Variants in NTM observed in about 807,000 individuals in gnomAD.
The protein encoded by NTM is IgLON family member 2.
A neutral mutation model predicts 42.1 loss-of-function variants in NTM; 13 were observed. The ratio of observed to expected loss-of-function variants is 0.31; its 90% CI spans 0.20 to 0.49. NTM has a LOEUF of 0.49. Among genes scored for constraint, NTM ranks in the 20% least tolerant of loss-of-function variants. NTM has a pLI of 0.99. For missense variants in NTM, 373 were observed against 452.8 expected (o/e 0.82, Z 1.60); for synonymous variants, 187 against 179.2 (o/e 1.04, Z -0.35).
At chr11:131,898,668 T>G (rs764333203) in intron 1 of NTM, among the ~76,000 whole-genome samples, 28 of 152,228 alleles carry the variant, frequency 1.8e-4, no homozygotes, top group Admixed American at 6.5e-4. Flanking sequence ...GAGAAGGGTG[T>G]TCTCATCCCT....
At chr11:132,040,268 T>A (rs2077017245) in intron 2 of NTM, among the ~76,000 whole-genome samples, 2 of 151,840 alleles carry the variant, frequency 1.3e-5, no homozygotes, top group African/African-American at 4.9e-5. Flanking sequence ...TTATAGTTGC[T>A]TATTATTATT....
At chr11:132,063,182 TTGGGAGCCTC>T (rs556125708) in intron 2 of NTM, among the ~76,000 whole-genome samples, 1 of 152,120 alleles carries the variant, frequency 6.6e-6, no homozygotes, top group Non-Finnish European at 1.5e-5. Flanking sequence ...CCTCTCCCTT[TTGGGAGCCTC>T]TGGGAAGTCT....
chr11:132,147,975 G>C (rs1347201223), intron 3 of NTM, among the ~76,000 whole-genome samples: 1 of 152,176 alleles, frequency 6.6e-6, no homozygotes. Flanking sequence ...GAGCAGGACT[G>C]AGAGGAGGAC....
At chr11:131,375,229 C>T (rs1458309270) in intron 1 of NTM, among the ~76,000 whole-genome samples, 4 of 152,176 alleles carry the variant, frequency 2.6e-5, no homozygotes, top group South Asian at 4.1e-4. Context: ...CGGGGAGCGA[C>T]TCCCCTGGGT....
intron 1 of NTM, among the ~76,000 whole-genome samples, chr11:131,573,753 T>C (rs966877534): frequency 1.3e-5 from 2 of 152,196 alleles, no homozygotes; most frequent in Non-Finnish European, 2.9e-5. Flanking sequence ...TGTCTCTCCA[T>C]GGAAAGATCG....
At chr11:132,226,342 C>A (rs2086270819) in intron 4 of NTM, among the ~76,000 whole-genome samples, 1 of 152,138 alleles carries the variant, frequency 6.6e-6, no homozygotes, top group Non-Finnish European at 1.5e-5. Flanking sequence ...TGTAAATGTT[C>A]CTATTTCTCC....
chr11:132,156,799 G>A (rs1401516448), intron 3 of NTM, among the ~76,000 whole-genome samples: 1 of 152,174 alleles, frequency 6.6e-6, no homozygotes, highest in Non-Finnish European at 1.5e-5. Context: ...TTACAGATGA[G>A]ATTAGTTTAA....
chr11:131,978,601 T>C (rs2064772708), intron 2 of NTM, among the ~76,000 whole-genome samples: 2 of 152,172 alleles, frequency 1.3e-5, no homozygotes, highest in Non-Finnish European at 2.9e-5. Context: ...CTATTGCCTA[T>C]GACTGTTCCC....
intron 3 of NTM, among the ~76,000 whole-genome samples, chr11:132,197,998 T>C (rs2080544129): frequency 6.6e-6 from 1 of 152,140 alleles, no homozygotes; most frequent in African/African-American, 2.4e-5. Context: ...ATTTATATTC[T>C]TTTGGGTATA....
intron 1 of NTM, among the ~76,000 whole-genome samples, chr11:131,730,872 T>C (rs1407353002): frequency 6.6e-6 from 1 of 152,106 alleles, no homozygotes; most frequent in East Asian, 1.9e-4. Flanking sequence ...TTCTCTCTGA[T>C]ATAAAACAGT....
chr11:131,479,469 A>G (rs1436830620), intron 1 of NTM, among the ~76,000 whole-genome samples: 1 of 152,160 alleles, frequency 6.6e-6, no homozygotes, highest in Non-Finnish European at 1.5e-5. Context: ...GAATGGTGAG[A>G]AAGGAGATTG....
At chr11:131,835,050 G>A (rs940675533) in intron 1 of NTM, among the ~76,000 whole-genome samples, 1 of 152,088 alleles carries the variant, frequency 6.6e-6, no homozygotes, top group Non-Finnish European at 1.5e-5. Context: ...CAGCAGCAAA[G>A]AAGTTCAGCT....
At chr11:131,643,279 T>C (rs1324868117) in intron 1 of NTM, among the ~76,000 whole-genome samples, 1 of 152,248 alleles carries the variant, frequency 6.6e-6, no homozygotes, top group East Asian at 1.9e-4. Context: ...AGACTCCTGC[T>C]GATATGACAC....
intron 5 of NTM, among the ~76,000 whole-genome samples, chr11:132,309,478 T>A: frequency 6.6e-6 from 1 of 152,180 alleles, no homozygotes; most frequent in South Asian, 2.1e-4. Context: ...GAAGGCTGAT[T>A]AAAGGTGCTG....
At chr11:131,969,651 G>A (rs970668549) in intron 2 of NTM, among the ~76,000 whole-genome samples, 2 of 152,048 alleles carry the variant, frequency 1.3e-5, no homozygotes, top group Non-Finnish European at 2.9e-5. Flanking sequence ...TTAGACTCTC[G>A]GCAGATCTAT....
chr11:131,997,952 C>T (rs2068389936), intron 2 of NTM, among the ~76,000 whole-genome samples: 1 of 152,134 alleles, frequency 6.6e-6, no homozygotes, highest in Admixed American at 6.6e-5. Context: ...CCCACCTCCC[C>T]TTGCTTCCTT....
At chr11:131,961,364 C>T (rs761319150) in intron 2 of NTM, among the ~76,000 whole-genome samples, 1 of 152,174 alleles carries the variant, frequency 6.6e-6, no homozygotes, top group Non-Finnish European at 1.5e-5. Flanking sequence ...AGAAATCTTT[C>T]TGATTCAATT....
chr11:131,438,733 C>T (rs892167342), intron 1 of NTM, among the ~76,000 whole-genome samples: 1 of 152,170 alleles, frequency 6.6e-6, no homozygotes, highest in Non-Finnish European at 1.5e-5. Flanking sequence ...CGAACATCCT[C>T]CTTTAGCTTG....
intron 4 of NTM, among the ~76,000 whole-genome samples, chr11:132,277,937 G>T (rs375100482): frequency 1.3e-5 from 2 of 152,152 alleles, no homozygotes; most frequent in East Asian, 3.9e-4. Context: ...AAGCATATTT[G>T]CCAATTACTT....
Sources: allele counts gnomAD v4.1 joint callset (sites outside exome capture counted in the v4.1 genomes callset), GRCh38; gene constraint gnomAD v4.1.1; transcripts MANE v1.5; gene names NCBI Gene and HGNC (gene_info 2026-07-23, HGNC 2026-07-21).